Variants in PRPF3 observed in about 807,000 individuals in gnomAD.
PRPF3 encodes U4/U6 small nuclear ribonucleoprotein Prp3.
Under a neutral mutation model 89.2 loss-of-function variants are expected in PRPF3, and 3 were observed. That is an observed-to-expected ratio of 0.03 (90% CI 0.02 to 0.09). PRPF3 has a LOEUF of 0.09. PRPF3 is among the 10% of genes least tolerant of loss of function. The pLI is 1.00. For synonymous variants in PRPF3, 270 were observed against 289.1 expected (o/e 0.93, Z 0.67); for missense variants, 463 against 828.8 (o/e 0.56, Z 5.42).
rs1658089421 is a variant in PRPF3 at position 150,344,539 on chromosome 1, T to C, written c.1632T>C (p.Ser544=). The change falls in exon 12 of 16, where the codon TCT becomes TCC. Residue 544 remains serine, a synonymous_variant. Coordinates refer to ENST00000324862, the MANE Select transcript of PRPF3 (RefSeq NM_004698.4). The part of the protein sequence containing the change: ...KEDISQGVHI[S]VYRVRNLSNP... ...ACATTTCACAGGGGGTACACATATC[T>C]GTATATAGGTAGGTGTCCATACTGG... 4 of 1,614,016 alleles carry C rather than the reference T, an allele frequency of 2.5e-6. No homozygotes were observed. Among genetic ancestry groups the C allele is most frequent in the Non-Finnish European group, 3.4e-6 (4 of 1,179,934 alleles).
intron 7 of PRPF3, among the ~76,000 whole-genome samples, chr1:150,337,945 A>G (rs879962280): frequency 6.6e-6 from 1 of 151,946 alleles, no homozygotes; most frequent in Non-Finnish European, 1.5e-5. Flanking sequence ...GTGGTGGCAC[A>G]TGCCTGTAAT....
At chr1:150,324,435 A>G (rs782120494) in intron 1 of PRPF3, among the ~76,000 whole-genome samples, 2 of 152,170 alleles carry the variant, frequency 1.3e-5, no homozygotes, top group Admixed American at 1.3e-4. Context: ...CTGCTTTGAG[A>G]TATGGTTCTT....
Position 150,340,367 on chromosome 1 carries a change from A to G in PRPF3, c.1203-31A>G, listed in dbSNP as rs782763950. ...CTCTTAGAATCATCTCTACCCGCATATCGTGTTTTCTTTTCTTCCTACAAT... is the reference window on the plus strand; with the variant it reads ...CTCTTAGAATCATCTCTACCCGCATGTCGTGTTTTCTTTTCTTCCTACAAT... On this transcript the variant is annotated intron_variant, in intron 8 of 15. Coordinates refer to ENST00000324862, the MANE Select transcript of PRPF3 (RefSeq NM_004698.4). 6.6e-5 allele frequency: 96 copies of G among 1,445,386 alleles called. 1 individual carries two copies. In the South Asian group the frequency reaches 7.6e-4, roughly 12 times the overall value. 89.5% of individuals were successfully genotyped at this position (1,445,386 alleles called of 1,614,324 possible).
chr1:150,340,315 T>G, intron 8 of PRPF3, 83 bp from the exon 9 acceptor site: 1 of 1,044,246 alleles, frequency 9.6e-7, no homozygotes, highest in Middle Eastern at 2.6e-4. Context: ...AGAGAGTGGG[T>G]TTTTTCATTG....
intron 14 of PRPF3, among the ~76,000 whole-genome samples, chr1:150,348,144 AG>A (rs1268172359): frequency 1.3e-5 from 2 of 152,090 alleles, no homozygotes; most frequent in Non-Finnish European, 2.9e-5. Flanking sequence ...GCACTTTGGG[AG>A]GCCGAGGCGG....
At chr1:150,344,049 A>T in intron 10 of PRPF3, 113 bp from the exon 11 acceptor site, 2 of 922,006 alleles carry the variant, frequency 2.2e-6, no homozygotes, top group Non-Finnish European at 3.5e-6. Context: ...AAGTGAGTTT[A>T]GAGCAGAGAT....
intron 8 of PRPF3, among the ~76,000 whole-genome samples, chr1:150,339,643 G>A (rs1248438073): frequency 6.6e-6 from 1 of 151,256 alleles, no homozygotes; most frequent in Non-Finnish European, 1.5e-5. Flanking sequence ...TCTCCATGTT[G>A]GTCAGGCTGG....
At chr1:150,334,525 G>A (rs1656765479) in intron 6 of PRPF3, among the ~76,000 whole-genome samples, 1 of 151,900 alleles carries the variant, frequency 6.6e-6, no homozygotes, top group Non-Finnish European at 1.5e-5. Context: ...GTTTCACTGT[G>A]TTGCCAAGGC....
intron 8 of PRPF3, among the ~76,000 whole-genome samples, chr1:150,339,077 C>G (rs1181392483): frequency 1.3e-5 from 2 of 151,708 alleles, no homozygotes; most frequent in East Asian, 3.9e-4. Context: ...GTAAATATAG[C>G]ATATAAGGCT....
Position 150,331,440 on chromosome 1 carries a change from C to T in PRPF3, c.424-1244C>T, listed in dbSNP as rs587634298. Among the ~76,000 whole-genome samples the T allele has an allele frequency of 3.3e-5, 5 of 152,274 alleles. No homozygotes were observed. The East Asian group carries it at 9.7e-4, about 29-fold the overall frequency. The stretch of plus-strand genomic sequence containing the variant: ...AGTGCAGTGGCATGATCTTGGCTCA[C>T]TGTAACCTCCACCTTCTGGATTCAA... On this transcript the variant is annotated intron_variant, in intron 4 of 15. Transcript: ENST00000324862.
chr1:150,337,490 G>A (rs76807732), intron 7 of PRPF3, among the ~76,000 whole-genome samples: 3,834 of 152,074 alleles, frequency 0.025, 158 homozygotes, highest in African/African-American at 0.087. Flanking sequence ...AACTTGTTGC[G>A]TTAGGTGTAA....
rs758744050 is a variant in PRPF3 at position 150,333,026 on chromosome 1, C to T, written c.555C>T (p.Asn185=). Residue 185 remains asparagine (N), a synonymous_variant, in exon 6 of 16, where the codon AAC becomes AAT. Coordinates refer to ENST00000324862, the MANE Select transcript of PRPF3 (RefSeq NM_004698.4). ...AACCAGAACGACTTCCTATTGGCAA[C>T]ACTATTCAGCCCTCCCAGGCTGCCA... ...SSQPERLPIG[N]TIQPSQAATF... is the part of the protein sequence containing the mutation. 2.5e-6 allele frequency: 4 copies of T among 1,614,046 alleles called. No individual in the cohort carries two copies. Among genetic ancestry groups the T allele is most frequent in the African/African-American group, 1.3e-5 (1 of 75,048 alleles).
In PRPF3 at chr1:150,321,608, G is replaced by C. The variant is rs1445874986; in HGVS notation, c.-49+16G>C. Reference sequence around the variant, plus strand: ...AGTTTGTGAGGTGAGTAGTGGCCCCGGGCCCACAGAGGGTAATTCCAGTCC... The same window carrying C: ...AGTTTGTGAGGTGAGTAGTGGCCCCCGGCCCACAGAGGGTAATTCCAGTCC... On this transcript the variant is annotated intron_variant, in intron 1 of 15. Transcript: ENST00000324862. 6.6e-6 allele frequency: 1 copy of C among 152,656 alleles called. No homozygotes were observed. The highest frequency in any genetic ancestry group is 1.5e-5 in the Non-Finnish European group (1 of 68,118). The allele number at this position is 152,656 out of a possible 1,614,324, so 9.5% of individuals were successfully genotyped here. A position where few individuals can be genotyped will look rare whatever the true frequency, so the allele number is the denominator to read the frequency against.
At chr1:150,352,682 C>A in intron 15 of PRPF3, 151 bp from the exon 16 acceptor site, 1 of 805,308 alleles carries the variant, frequency 1.2e-6, no homozygotes. Context: ...CACAAATATC[C>A]AAGGAAATGG....
intron 9 of PRPF3, among the ~76,000 whole-genome samples, chr1:150,341,705 C>CT (rs35190590): frequency 1.8e-3 from 243 of 138,568 alleles, no homozygotes; most frequent in African/African-American, 3.0e-3. Context: ...CGCGCCCGGC[C>CT]TTTTTTTTTT....
At position 150,343,313 on chromosome 1, in the gene PRPF3, C is replaced by G. The variant is rs782511773; in HGVS notation, c.1287C>G (p.Asp429Glu). 2 of 1,609,574 alleles carry G rather than the reference C, an allele frequency of 1.2e-6. No individual in the cohort carries two copies. Among genetic ancestry groups the G allele is most frequent in the Admixed American group, 3.3e-5 (2 of 59,914 alleles). Reference protein sequence around the residue: ...EHPAQLNPPVDNDTPVTLGVY... With the variant: ...EHPAQLNPPVENDTPVTLGVY... Reference sequence around the variant, plus strand: ...ACTAATATCTCTGCCTGACAGTTGACAATGACACACCAGTTACTCTGGGAG... The same window carrying G: ...ACTAATATCTCTGCCTGACAGTTGAGAATGACACACCAGTTACTCTGGGAG... The change falls in exon 10 of 16, where the codon GAC becomes GAG. Residue 429 changes from aspartate (D) to glutamate (E), a missense_variant. Physicochemically the swap from Asp to Glu is conservative, Grantham distance 45. Transcript: ENST00000324862.
chr1:150,339,856 C>T (rs115709258), intron 8 of PRPF3, among the ~76,000 whole-genome samples: 2,160 of 150,404 alleles, frequency 0.014, 23 homozygotes, highest in Non-Finnish European at 0.021. Context: ...CATAAGTATC[C>T]GGGACTACAG....
At chr1:150,333,554 G>A (rs781370689) in intron 6 of PRPF3, among the ~76,000 whole-genome samples, 3 of 152,072 alleles carry the variant, frequency 2.0e-5, no homozygotes, top group Admixed American at 6.6e-5. Flanking sequence ...GGGAGACTCC[G>A]GCTCAAAGAA....
intron 4 of PRPF3, among the ~76,000 whole-genome samples, chr1:150,329,470 TGTCGTTGA>T (rs1170579377): frequency 1.3e-5 from 2 of 152,194 alleles, no homozygotes; most frequent in Non-Finnish European, 2.9e-5. Flanking sequence ...TAATTACCTA[TGTCGTTGA>T]GTCATTGAGA....
Sources: gnomAD v4.1 joint callset for allele counts (sites outside exome capture counted in the v4.1 genomes callset) on GRCh38, gnomAD v4.1.1 for gene constraint, MANE v1.5 for transcripts, NCBI Gene and HGNC (gene_info 2026-07-23, HGNC 2026-07-21) for gene names.